The following EYS variants were observed in gnomAD, a reference collection of about 807,000 sequenced individuals.
EYS encodes the protein EGF-like photoreceptor maintenance factor, also known as protein eyes shut homolog.
A neutral mutation model predicts 282.1 loss-of-function variants in EYS; 250 were observed. The observed-to-expected ratio is 0.89, with a 90% confidence interval of 0.80 to 0.98. The LOEUF (loss-of-function observed/expected upper bound fraction) is 0.98, where lower values mean the gene tolerates loss of function less well. Among genes scored for constraint, EYS ranks in the 50% least tolerant of loss-of-function variants. The pLI, the probability that EYS is intolerant of heterozygous loss-of-function variation, is 0.00. For missense variants in EYS, 4,016 were observed against 3,709.0 expected, an observed-to-expected ratio of 1.08 and a Z score of -2.15; for synonymous variants, 1,355 against 1,282.9, an observed-to-expected ratio of 1.06 and a Z score of -1.20.
intron 35 of EYS, among the ~76,000 whole-genome samples, chr6:63,904,404 T>C (rs1247597072): frequency 6.6e-6 from 1 of 152,212 alleles, no homozygotes; most frequent in East Asian, 1.9e-4. Context: ...AATGTATCCA[T>C]GCCCGATAGC....
chr6:64,623,024 A>C (rs1767498061), intron 23 of EYS, among the ~76,000 whole-genome samples: 1 of 152,138 alleles, frequency 6.6e-6, no homozygotes, highest in Non-Finnish European at 1.5e-5. Context: ...ATTGGGTAGG[A>C]GACTTCCTGA....
chr6:65,511,984 CAA>C (rs11368301), intron 2 of EYS, among the ~76,000 whole-genome samples: 13,855 of 92,920 alleles, frequency 0.15, 448 homozygotes, highest in Middle Eastern at 0.2. Context: ...AACTCTGTCT[CAA>C]AAAAAAAAAA....
chr6:63,972,877 T>A (rs1318164709), intron 35 of EYS, among the ~76,000 whole-genome samples: 3 of 152,186 alleles, frequency 2.0e-5, no homozygotes, highest in Non-Finnish European at 4.4e-5. Context: ...TCATCCTTTT[T>A]TATGGGTACA....
chr6:64,082,653 C>T (rs1250434974), intron 31 of EYS, among the ~76,000 whole-genome samples: 1 of 152,076 alleles, frequency 6.6e-6, no homozygotes, highest in African/African-American at 2.4e-5. Flanking sequence ...ATATTTAGTG[C>T]TTTTCAATAA....
chr6:63,730,037 C>T (rs1768742871), intron 41 of EYS, among the ~76,000 whole-genome samples: 1 of 152,152 alleles, frequency 6.6e-6, no homozygotes, highest in African/African-American at 2.4e-5. Context: ...GAAAGATACT[C>T]TTCCCTCAGC....
chr6:64,290,896 A>C (rs1768679859), intron 30 of EYS, among the ~76,000 whole-genome samples: 1 of 151,046 alleles, frequency 6.6e-6, no homozygotes, highest in Admixed American at 6.6e-5. Flanking sequence ...TGTTACAACT[A>C]CTCAACTGTG....
chr6:64,812,088 T>G (rs1304509174), intron 22 of EYS, among the ~76,000 whole-genome samples: 2 of 152,114 alleles, frequency 1.3e-5, no homozygotes, highest in Admixed American at 1.3e-4. Flanking sequence ...GTTATAACCC[T>G]GAGAATCCTT....
chr6:64,398,898 G>A (rs1338698867), intron 28 of EYS, among the ~76,000 whole-genome samples: 1 of 151,772 alleles, frequency 6.6e-6, no homozygotes, highest in Non-Finnish European at 1.5e-5. Context: ...CTTGGATTCT[G>A]TATTTAGAAG....
intron 28 of EYS, among the ~76,000 whole-genome samples, chr6:64,393,790 G>A (rs2150430204): frequency 6.6e-6 from 1 of 152,000 alleles, no homozygotes; most frequent in East Asian, 1.9e-4. Flanking sequence ...AGGGCAATTA[G>A]GCAGGAGAAG....
At chr6:64,936,260 A>C (rs1015166571) in intron 15 of EYS, among the ~76,000 whole-genome samples, 1 of 151,566 alleles carries the variant, frequency 6.6e-6, no homozygotes, top group Non-Finnish European at 1.5e-5. Flanking sequence ...CAAAACAAAA[A>C]AAACACTCAA....
intron 26 of EYS, among the ~76,000 whole-genome samples, chr6:64,574,883 A>G (rs1239315365): frequency 6.6e-6 from 1 of 152,140 alleles, no homozygotes; most frequent in African/African-American, 2.4e-5. Flanking sequence ...AAATGATCTA[A>G]AAGAACACAA....
intron 2 of EYS, among the ~76,000 whole-genome samples, chr6:65,638,175 G>A (rs1767156111): frequency 6.6e-6 from 1 of 152,142 alleles, no homozygotes; most frequent in East Asian, 1.9e-4. Context: ...CTGTGGGAAG[G>A]AACTACCCAC....
intron 1 of EYS, among the ~76,000 whole-genome samples, chr6:65,684,626 G>T (rs1768944165): frequency 6.6e-6 from 1 of 152,018 alleles, no homozygotes; most frequent in Non-Finnish European, 1.5e-5. Context: ...AAAAGCAGCA[G>T]CAGTCTGTTT....
At chr6:64,938,587 C>T (rs1476587586) in intron 15 of EYS, among the ~76,000 whole-genome samples, 4 of 151,546 alleles carry the variant, frequency 2.6e-5, no homozygotes, top group Admixed American at 6.6e-5. Context: ...ACTTCAAGTA[C>T]GCTTACAACA....
intron 8 of EYS, among the ~76,000 whole-genome samples, chr6:65,374,404 A>T (rs549752446): frequency 6.6e-6 from 1 of 152,138 alleles, no homozygotes; most frequent in East Asian, 1.9e-4. Flanking sequence ...TGCAATCCGC[A>T]GACCAGGAGA....
At chr6:64,998,944 G>A (rs971174351) in intron 13 of EYS, among the ~76,000 whole-genome samples, 6 of 152,118 alleles carry the variant, frequency 3.9e-5, no homozygotes, top group African/African-American at 1.4e-4. Flanking sequence ...TTAACTTTCA[G>A]CATTGATGTT....
intron 26 of EYS, among the ~76,000 whole-genome samples, chr6:64,548,264 G>C (rs1313981951): frequency 6.6e-6 from 1 of 152,232 alleles, no homozygotes; most frequent in East Asian, 1.9e-4. Flanking sequence ...GTGGAAGTCA[G>C]TGTGGCGATT....
chr6:63,777,916 T>C (rs933309653), intron 40 of EYS, 90 bp downstream of exon 40: 1 of 1,197,234 alleles, frequency 8.4e-7, no homozygotes, highest in Admixed American at 2.0e-5. Context: ...CTGTTTGTGT[T>C]CCTAGTTTGT....
chr6:65,204,074 G>A (rs769588353), intron 12 of EYS, among the ~76,000 whole-genome samples: 2 of 152,096 alleles, frequency 1.3e-5, no homozygotes, highest in East Asian at 1.9e-4. Context: ...TATGTAAAGC[G>A]ACCAAATCTA....
Sources: gnomAD v4.1 joint callset for allele counts (sites outside exome capture counted in the v4.1 genomes callset) on GRCh38, gnomAD v4.1.1 for gene constraint, MANE v1.5 for transcripts, NCBI Gene and HGNC (gene_info 2026-07-23, HGNC 2026-07-21) for gene names.